The following FHIT variants were observed in gnomAD, a reference collection of about 807,000 sequenced individuals.
FHIT encodes bis(5'-adenosyl)-triphosphatase.
In FHIT, 19 loss-of-function variants were observed where a neutral mutation model predicts 17.9. The observed-to-expected ratio is 1.06, with a 90% confidence interval of 0.74 to 1.56. FHIT has a LOEUF of 1.56. Ranked by LOEUF, FHIT falls within the 40% of genes most tolerant of loss-of-function variation. The pLI is 0.00. For missense variants in FHIT, 248 were observed against 189.2 expected, an observed-to-expected ratio of 1.31 and a Z score of -1.82; for synonymous variants, 81 against 69.7, an observed-to-expected ratio of 1.16 and a Z score of -0.81.
chr3:60,251,270 GATC>G (rs760680765), intron 5 of FHIT, among the ~76,000 whole-genome samples: 15 of 152,290 alleles, frequency 9.8e-5, no homozygotes, highest in Non-Finnish European at 2.1e-4. Flanking sequence ...AGCTGTAACA[GATC>G]ATGTTGATTT....
At chr3:60,711,273 T>C (rs1243473715) in intron 4 of FHIT, among the ~76,000 whole-genome samples, 2 of 152,188 alleles carry the variant, frequency 1.3e-5, no homozygotes, top group East Asian at 3.9e-4. Context: ...AACCCATCTG[T>C]ACATCACCAT....
intron 5 of FHIT, among the ~76,000 whole-genome samples, chr3:60,459,624 T>C (rs1035945498): frequency 6.6e-6 from 1 of 152,190 alleles, no homozygotes; most frequent in East Asian, 1.9e-4. Context: ...TTCTAAACAA[T>C]AAAGCTGATT....
At chr3:60,429,523 C>A (rs1047956460) in intron 5 of FHIT, among the ~76,000 whole-genome samples, 2 of 152,004 alleles carry the variant, frequency 1.3e-5, no homozygotes, top group Non-Finnish European at 2.9e-5. Flanking sequence ...GATGGCCTTA[C>A]CAGCTAGAGA....
At chr3:59,973,807 T>C (rs983562720) in intron 7 of FHIT, among the ~76,000 whole-genome samples, 1 of 152,086 alleles carries the variant, frequency 6.6e-6, no homozygotes, top group Non-Finnish European at 1.5e-5. Flanking sequence ...GCCCACTGAT[T>C]TCTGGCACAA....
chr3:61,186,896 G>A (rs549427776), intron 2 of FHIT, among the ~76,000 whole-genome samples: 4 of 152,186 alleles, frequency 2.6e-5, no homozygotes, highest in East Asian at 3.9e-4. Flanking sequence ...TAACTTAAAC[G>A]TCATTAACTC....
rs1290543447 is a variant in FHIT at position 60,826,187 on chromosome 3, AAGGAAGGAAGGAAGGAAG to A, written c.-110-4194_-110-4177del. On this transcript the variant is annotated intron_variant, in intron 3 of 9. Transcript: ENST00000492590. ...GAAGGAAGGAAGGAAGGAAGGAAGG[AAGGAAGGAAGGAAGGAAG>A]GAAGGAAAGAAGGAAGGAAGGGAGT... Among the ~76,000 whole-genome samples the A allele has an allele frequency of 8.6e-3, 1,236 of 143,438 alleles. 25 individuals carry two copies. Among genetic ancestry groups the A allele is most frequent in the African/African-American group, 0.033 (1,138 of 34,408 alleles). 94.1% of individuals were successfully genotyped at this position (143,438 alleles called of 152,430 possible).
At chr3:60,499,422 C>T (rs1457640762) in intron 5 of FHIT, among the ~76,000 whole-genome samples, 1 of 152,100 alleles carries the variant, frequency 6.6e-6, no homozygotes, top group Non-Finnish European at 1.5e-5. Context: ...AACGGAGTCT[C>T]GCTCTGTCGC....
intron 1 of FHIT, among the ~76,000 whole-genome samples, chr3:61,244,627 C>A (rs967496399): frequency 6.6e-6 from 1 of 152,120 alleles, no homozygotes; most frequent in African/African-American, 2.4e-5. Flanking sequence ...CTGGCCTTCT[C>A]CTGAAGCAGG....
intron 4 of FHIT, among the ~76,000 whole-genome samples, chr3:60,639,830 C>T (rs920062417): frequency 2.0e-5 from 3 of 152,142 alleles, no homozygotes; most frequent in African/African-American, 7.2e-5. Flanking sequence ...GAATACATGT[C>T]CACACAAATA....
chr3:59,877,824 G>A (rs1038631777), intron 8 of FHIT, among the ~76,000 whole-genome samples: 2 of 152,134 alleles, frequency 1.3e-5, no homozygotes, highest in South Asian at 4.1e-4. Context: ...GGTATATTCA[G>A]ACAAATAGAA....
chr3:60,100,308 C>T (rs959927480), intron 5 of FHIT, among the ~76,000 whole-genome samples: 7 of 151,992 alleles, frequency 4.6e-5, no homozygotes, highest in African/African-American at 7.2e-5. Flanking sequence ...CGCTTGAACC[C>T]GGGAGGTGGA....
At chr3:60,682,952 T>C (rs2040785429) in intron 4 of FHIT, among the ~76,000 whole-genome samples, 1 of 152,164 alleles carries the variant, frequency 6.6e-6, no homozygotes, top group African/African-American at 2.4e-5. Context: ...CCAACTCTCA[T>C]GGATGACTTT....
At chr3:60,640,073 T>A (rs1553684956) in intron 4 of FHIT, among the ~76,000 whole-genome samples, 1 of 152,038 alleles carries the variant, frequency 6.6e-6, no homozygotes, top group Admixed American at 6.6e-5. Context: ...TCCTAGAAAA[T>A]GCAAAATCAC....
At chr3:60,471,985 C>T (rs2033110030) in intron 5 of FHIT, among the ~76,000 whole-genome samples, 1 of 152,110 alleles carries the variant, frequency 6.6e-6, no homozygotes, top group African/African-American at 2.4e-5. Context: ...GCCACAATTA[C>T]ATAGTGAGTT....
In FHIT at chr3:60,735,414, T is replaced by A. The variant is rs534543588; in HGVS notation, c.-18+86505A>T. Among the ~76,000 whole-genome samples, 7 of 152,320 alleles carry A rather than the reference T, an allele frequency of 4.6e-5. No individual in the cohort carries two copies. In the South Asian group the frequency reaches 6.2e-4, roughly 14 times the overall value. ...ATGAGCAAATGACCAATCAATGTAT[T>A]TCACCGATGAATGATTCAGGGAGCC... On this transcript the variant is annotated intron_variant, in intron 4 of 9. Coordinates refer to ENST00000492590, the MANE Select transcript of FHIT (RefSeq NM_002012.4).
chr3:60,697,751 G>C (rs2041147257), intron 4 of FHIT, among the ~76,000 whole-genome samples: 1 of 152,024 alleles, frequency 6.6e-6, no homozygotes, highest in Non-Finnish European at 1.5e-5. Context: ...GTGTCCAGCG[G>C]ACTATAAACA....
At chr3:59,846,355 T>C (rs1266529783) in intron 8 of FHIT, among the ~76,000 whole-genome samples, 3 of 152,176 alleles carry the variant, frequency 2.0e-5, no homozygotes, top group Non-Finnish European at 2.9e-5. Context: ...TTAACTTCTA[T>C]AACATATAAA....
intron 5 of FHIT, among the ~76,000 whole-genome samples, chr3:60,529,092 TGG>T (rs2035676915): frequency 6.6e-6 from 1 of 152,234 alleles, no homozygotes; most frequent in Non-Finnish European, 1.5e-5. Context: ...TTCAGATATC[TGG>T]TATTGTAGAG....
At chr3:59,879,444 T>C (rs1158905779) in intron 8 of FHIT, among the ~76,000 whole-genome samples, 4 of 152,200 alleles carry the variant, frequency 2.6e-5, no homozygotes, top group East Asian at 3.8e-4. Flanking sequence ...TGGGGTATGA[T>C]AGATGTGTCC....
Sources: allele counts gnomAD v4.1 joint callset (sites outside exome capture counted in the v4.1 genomes callset), GRCh38; gene constraint gnomAD v4.1.1; transcripts MANE v1.5; gene names NCBI Gene and HGNC (gene_info 2026-07-23, HGNC 2026-07-21).